The following PCDH9 variants were observed in gnomAD, a reference collection of about 807,000 sequenced individuals.
The protein encoded by PCDH9 is protocadherin 9, also known as protocadherin-9.
PCDH9 carries 24 observed loss-of-function variants against 70.6 expected under a neutral mutation model. That is an observed-to-expected ratio of 0.34 (90% CI 0.25 to 0.48). The LOEUF (loss-of-function observed/expected upper bound fraction) is 0.48. Among genes scored for constraint, PCDH9 ranks in the 20% least tolerant of loss-of-function variants. PCDH9 has a pLI of 0.99. For synonymous variants in PCDH9, 562 were observed against 558.5 expected (o/e 1.01, Z -0.09); for missense variants, 1,281 against 1,503.6 (o/e 0.85, Z 2.45).
intron 2 of PCDH9, among the ~76,000 whole-genome samples, chr13:67,119,415 T>G (rs955748296): frequency 1.3e-5 from 2 of 152,158 alleles, no homozygotes; most frequent in African/African-American, 4.8e-5. Context: ...TCATTTCAAT[T>G]TTACTTTCTT....
rs2089852706 is a variant in PCDH9 at position 67,225,915 on chromosome 13, T to C, written c.2526A>G (p.Ser842=). The change falls in exon 2 of 5, where the codon TCA becomes TCG. Residue 842 remains serine (S), a synonymous_variant. Transcript: ENST00000377865. ...VTVLVRCRHA[S]RFKAAQRSKQ... ...TGCTCCTCTGAGCTGCTTTGAACCT[T>C]GATGCATGGCGACAGCGCACCAGAA... 8 of 1,614,014 alleles carry C rather than the reference T, an allele frequency of 5.0e-6. No individual in the cohort carries two copies. Among genetic ancestry groups the C allele is most frequent in the Non-Finnish European group, 6.8e-6 (8 of 1,180,030 alleles).
intron 3 of PCDH9, among the ~76,000 whole-genome samples, chr13:66,735,350 T>C (rs531031562): frequency 6.6e-6 from 1 of 152,256 alleles, no homozygotes; most frequent in East Asian, 1.9e-4. Flanking sequence ...AATAGAGAGA[T>C]TTGTGAGACT....
intron 4 of PCDH9, among the ~76,000 whole-genome samples, chr13:66,429,958 T>C (rs1189822171): frequency 3.9e-5 from 6 of 152,090 alleles, no homozygotes; most frequent in Non-Finnish European, 8.8e-5. Context: ...AAGGTATGTA[T>C]ATCAGGGAGT....
intron 3 of PCDH9, among the ~76,000 whole-genome samples, chr13:66,652,711 A>T (rs1453283679): frequency 2.0e-5 from 3 of 152,194 alleles, no homozygotes; most frequent in Admixed American, 1.3e-4. Flanking sequence ...GAATCACATT[A>T]TCTGACTTCA....
At chr13:67,114,421 A>T (rs2086719969) in intron 2 of PCDH9, among the ~76,000 whole-genome samples, 1 of 152,196 alleles carries the variant, frequency 6.6e-6, no homozygotes, top group Admixed American at 6.5e-5. Context: ...CAAAGTTTCA[A>T]ATTGTAGAAA....
At chr13:66,453,383 T>A (rs1005592510) in intron 4 of PCDH9, among the ~76,000 whole-genome samples, 1 of 152,210 alleles carries the variant, frequency 6.6e-6, no homozygotes, top group African/African-American at 2.4e-5. Context: ...CTATTCTTCC[T>A]ACTAGAGGTC....
intron 2 of PCDH9, among the ~76,000 whole-genome samples, chr13:67,193,638 G>A (rs754909342): frequency 3.3e-5 from 5 of 152,056 alleles, no homozygotes; most frequent in Non-Finnish European, 7.4e-5. Context: ...CAGAGCCTAT[G>A]TTACTATAGA....
intron 2 of PCDH9, among the ~76,000 whole-genome samples, chr13:66,967,277 C>T (rs548293468): frequency 9.2e-5 from 14 of 152,114 alleles, no homozygotes; most frequent in African/African-American, 3.1e-4. Flanking sequence ...TGGAATTATT[C>T]GTAGTGATAT....
chr13:67,042,589 T>C (rs980764166), intron 2 of PCDH9, among the ~76,000 whole-genome samples: 1 of 152,232 alleles, frequency 6.6e-6, no homozygotes, highest in African/African-American at 2.4e-5. Context: ...GAAATTTTCT[T>C]TTTTAACAAG....
chr13:67,120,622 C>T (rs2086858593), intron 2 of PCDH9, among the ~76,000 whole-genome samples: 1 of 152,124 alleles, frequency 6.6e-6, no homozygotes, highest in South Asian at 2.1e-4. Context: ...CTTACATATA[C>T]TTTACTCATA....
chr13:66,943,604 T>G (rs1469447090), intron 2 of PCDH9, among the ~76,000 whole-genome samples: 1 of 152,118 alleles, frequency 6.6e-6, no homozygotes, highest in Non-Finnish European at 1.5e-5. Flanking sequence ...CTTTTTCAAA[T>G]TGACTATAGA....
At chr13:66,798,798 A>G (rs1179076547) in intron 3 of PCDH9, among the ~76,000 whole-genome samples, 2 of 134,484 alleles carry the variant, frequency 1.5e-5, no homozygotes, top group Non-Finnish European at 3.2e-5. Flanking sequence ...TGACTATATG[A>G]TGCTTATTCC....
At chr13:66,911,123 T>G (rs979959182) in intron 2 of PCDH9, among the ~76,000 whole-genome samples, 18 of 152,194 alleles carry the variant, frequency 1.2e-4, no homozygotes, top group African/African-American at 4.3e-4. Context: ...TGTATTCTTA[T>G]AGAAATTTTG....
At chr13:67,202,901 C>G (rs1593612970) in intron 2 of PCDH9, 1 of 151,898 alleles carries the variant, frequency 6.6e-6, no homozygotes, top group Non-Finnish European at 1.5e-5. Context: ...TGGTATATTT[C>G]CAAGGTAATA....
At chr13:66,790,106 C>T (rs1255334084) in intron 3 of PCDH9, among the ~76,000 whole-genome samples, 5 of 152,032 alleles carry the variant, frequency 3.3e-5, no homozygotes, top group African/African-American at 1.2e-4. Flanking sequence ...CACATGCAGA[C>T]CACTTAACAA....
At chr13:67,150,109 G>A (rs983205460) in intron 2 of PCDH9, among the ~76,000 whole-genome samples, 12 of 152,092 alleles carry the variant, frequency 7.9e-5, no homozygotes, top group South Asian at 6.2e-4. Context: ...GCAGTGCTCC[G>A]TGCAACATCT....
intron 3 of PCDH9, among the ~76,000 whole-genome samples, chr13:66,730,895 C>CTTGTTT (rs1313073418): frequency 5.1e-5 from 4 of 78,764 alleles, no homozygotes; most frequent in African/African-American, 2.0e-4. Flanking sequence ...TTGTTTGTTT[C>CTTGTTT]TTTTTTTTTG....
intron 4 of PCDH9, among the ~76,000 whole-genome samples, chr13:66,525,286 C>G (rs527909551): frequency 2.3e-4 from 35 of 152,054 alleles, no homozygotes; most frequent in Admixed American, 9.2e-4. Flanking sequence ...CCCCAGTTTA[C>G]CACCTCTTTA....
intron 2 of PCDH9, among the ~76,000 whole-genome samples, chr13:67,126,799 G>A (rs1385563580): frequency 6.6e-6 from 1 of 152,174 alleles, no homozygotes; most frequent in Admixed American, 6.5e-5. Flanking sequence ...TCAGTGAGCA[G>A]AGACTGCGCC....
Sources: allele counts gnomAD v4.1 joint callset (sites outside exome capture counted in the v4.1 genomes callset), GRCh38; gene constraint gnomAD v4.1.1; transcripts MANE v1.5; gene names NCBI Gene and HGNC (gene_info 2026-07-23, HGNC 2026-07-21).